Variants in PDE7B observed in about 807,000 individuals in gnomAD.
The protein encoded by PDE7B is phosphodiesterase 7B, also known as 3',5'-cyclic-AMP phosphodiesterase 7B.
PDE7B carries 29 observed loss-of-function variants against 56.2 expected under a neutral mutation model. The observed-to-expected ratio is 0.52, with a 90% confidence interval of 0.38 to 0.70. The LOEUF is 0.70. Among genes scored for constraint, PDE7B ranks in the 30% least tolerant of loss-of-function variants. The pLI, the probability that PDE7B is intolerant of heterozygous loss-of-function variation, is 0.00. For synonymous variants in PDE7B, 197 were observed against 196.9 expected (o/e 1.00, Z 0.00); for missense variants, 490 against 565.0 (o/e 0.87, Z 1.35).
At chr6:136,186,387 C>T (rs1779146110) in intron 11 of PDE7B, among the ~76,000 whole-genome samples, 1 of 152,050 alleles carries the variant, frequency 6.6e-6, no homozygotes, top group South Asian at 2.1e-4. Context: ...AAGATCATGC[C>T]ACTGCACTCA....
At chr6:135,965,939 T>C (rs1391915429) in intron 2 of PDE7B, among the ~76,000 whole-genome samples, 2 of 152,158 alleles carry the variant, frequency 1.3e-5, no homozygotes, top group African/African-American at 2.4e-5. Flanking sequence ...CTTTTTAAAA[T>C]ACTGGATATC....
At chr6:136,022,419 T>A (rs1296333071) in intron 2 of PDE7B, among the ~76,000 whole-genome samples, 1 of 152,178 alleles carries the variant, frequency 6.6e-6, no homozygotes, top group Non-Finnish European at 1.5e-5. Context: ...GCCTTTAACA[T>A]CCCCAAGTAC....
At chr6:135,981,577 T>G (rs1775297211) in intron 2 of PDE7B, among the ~76,000 whole-genome samples, 1 of 149,394 alleles carries the variant, frequency 6.7e-6, no homozygotes, top group Admixed American at 6.6e-5. Context: ...CACAGTGATG[T>G]TGATCATCTT....
At position 135,911,009 on chromosome 6, in the gene PDE7B, C is replaced by A. The variant is rs557352035; in HGVS notation, c.22-36455C>A. Among the ~76,000 whole-genome samples the A allele has an allele frequency of 1.7e-3, 259 of 152,228 alleles. 1 individual carries two copies. The highest frequency in any genetic ancestry group is 2.8e-3 in the Non-Finnish European group (193 of 68,028). ...ACAGATTGGTGGGGCAGTAATTATGCAGTTGATAACACAAGGCTCTACCCT... is the reference window on the plus strand; with the variant it reads ...ACAGATTGGTGGGGCAGTAATTATGAAGTTGATAACACAAGGCTCTACCCT... On this transcript the variant is annotated intron_variant, in intron 1 of 12. Transcript: ENST00000308191.
At chr6:136,021,644 C>CA (rs57606305) in intron 2 of PDE7B, among the ~76,000 whole-genome samples, 21,343 of 130,160 alleles carry the variant, frequency 0.16, 2,734 homozygotes, top group African/African-American at 0.37. Context: ...AACTCTGTCT[C>CA]AAAAAAAAAA....
chr6:135,937,029 C>T (rs1263569201), intron 1 of PDE7B, among the ~76,000 whole-genome samples: 2 of 152,176 alleles, frequency 1.3e-5, no homozygotes, highest in Non-Finnish European at 2.9e-5. Context: ...TGGCATTTTC[C>T]AACTTGGCTG....
chr6:135,980,187 A>C (rs568455912), intron 2 of PDE7B, among the ~76,000 whole-genome samples: 1 of 152,080 alleles, frequency 6.6e-6, no homozygotes, highest in Non-Finnish European at 1.5e-5. Flanking sequence ...ACAAGCAATG[A>C]GGAAAGGATT....
intron 1 of PDE7B, among the ~76,000 whole-genome samples, chr6:135,913,098 A>G (rs1020288278): frequency 6.6e-6 from 1 of 152,218 alleles, no homozygotes; most frequent in Non-Finnish European, 1.5e-5. Flanking sequence ...CTTTAGGTGT[A>G]CCACGAACTT....
chr6:135,857,534 A>G (rs1775059132), intron 1 of PDE7B, among the ~76,000 whole-genome samples: 1 of 152,152 alleles, frequency 6.6e-6, no homozygotes, highest in African/African-American at 2.4e-5. Flanking sequence ...ATAGACATGG[A>G]GAGGCTACCA....
intron 2 of PDE7B, among the ~76,000 whole-genome samples, chr6:136,059,467 G>C (rs1021303205): frequency 6.6e-5 from 10 of 152,182 alleles, no homozygotes; most frequent in Admixed American, 6.5e-5. Context: ...AGACAAACTG[G>C]ATGCTGTGGA....
chr6:135,968,017 C>T (rs543746517), intron 2 of PDE7B, among the ~76,000 whole-genome samples: 2 of 152,298 alleles, frequency 1.3e-5, no homozygotes, highest in Admixed American at 1.3e-4. Flanking sequence ...TTTTTGGCAA[C>T]ACTGAAACAG....
At chr6:135,853,370 G>A (rs1048252046) in intron 1 of PDE7B, among the ~76,000 whole-genome samples, 2 of 152,210 alleles carry the variant, frequency 1.3e-5, no homozygotes, top group East Asian at 1.9e-4. Context: ...AGGATGTGCC[G>A]TGAATGGACA....
Position 136,070,651 on chromosome 6 carries a change from T to A in PDE7B, c.83-38080T>A, listed in dbSNP as rs548790490. 8.5e-5 allele frequency among the ~76,000 whole-genome samples: 13 copies of A among 152,304 alleles called. No homozygotes were observed. The South Asian group carries it at 2.7e-3, about 32-fold the overall frequency. On this transcript the variant is annotated intron_variant, in intron 2 of 12. Transcript: ENST00000308191. ...ATTTAATTTAAAAAACATTGAAAAT[T>A]TTTTAATACGTTAAGATACTAGAAA... is the stretch of plus-strand genomic sequence containing the variant.
chr6:136,109,057 A>G (rs558583569), intron 3 of PDE7B, among the ~76,000 whole-genome samples: 7 of 152,302 alleles, frequency 4.6e-5, no homozygotes, highest in South Asian at 4.1e-4. Flanking sequence ...CTTTAAAAGT[A>G]TAAATCTCTG....
At chr6:135,856,561 G>C (rs1775031292) in intron 1 of PDE7B, among the ~76,000 whole-genome samples, 1 of 152,106 alleles carries the variant, frequency 6.6e-6, no homozygotes, top group Non-Finnish European at 1.5e-5. Context: ...GCTGGTACAG[G>C]GTTGCTGCCC....
intron 1 of PDE7B, among the ~76,000 whole-genome samples, chr6:135,929,071 A>G (rs1774250664): frequency 6.6e-6 from 1 of 152,180 alleles, no homozygotes; most frequent in African/African-American, 2.4e-5. Flanking sequence ...ACCAAGTGCT[A>G]TGTGGAAGGC....
chr6:136,012,226 AG>A (rs1775907412), intron 2 of PDE7B, among the ~76,000 whole-genome samples: 1 of 152,094 alleles, frequency 6.6e-6, no homozygotes, highest in African/African-American at 2.4e-5. Context: ...CAGCAAAATT[AG>A]GCCTCCAGGC....
chr6:136,182,721 A>G (rs968816259), intron 11 of PDE7B, among the ~76,000 whole-genome samples: 33 of 152,224 alleles, frequency 2.2e-4, no homozygotes, highest in African/African-American at 3.9e-4. Context: ...GTGCCAGTAA[A>G]TCAAAGTTGT....
At chr6:136,097,358 G>A (rs973346429) in intron 2 of PDE7B, among the ~76,000 whole-genome samples, 2 of 152,052 alleles carry the variant, frequency 1.3e-5, no homozygotes, top group East Asian at 3.9e-4. Flanking sequence ...ATCCAGTTAT[G>A]CAAACCAGAA....
Sources: gnomAD v4.1 joint callset for allele counts (sites outside exome capture counted in the v4.1 genomes callset) on GRCh38, gnomAD v4.1.1 for gene constraint, MANE v1.5 for transcripts, NCBI Gene and HGNC (gene_info 2026-07-23, HGNC 2026-07-21) for gene names.